Variants in FAM110B observed in about 807,000 individuals in gnomAD.
The protein encoded by FAM110B is family with sequence similarity 110 member B.
FAM110B carries 6 observed loss-of-function variants against 20.4 expected under a neutral mutation model. That is an observed-to-expected ratio of 0.29 (90% confidence interval 0.16 to 0.58). FAM110B has a LOEUF of 0.58. Among genes scored for constraint, FAM110B ranks in the 20% least tolerant of loss-of-function variants. The pLI, the probability that FAM110B is intolerant of heterozygous loss-of-function variation, is 0.90. For missense variants in FAM110B, 434 were observed against 498.2 expected, an observed-to-expected ratio of 0.87 and a Z score of 1.23; for synonymous variants, 226 against 214.1, an observed-to-expected ratio of 1.06 and a Z score of -0.49.
intron 1 of FAM110B, among the ~76,000 whole-genome samples, chr8:58,015,078 G>A (rs1051336016): frequency 1.4e-4 from 21 of 152,162 alleles, no homozygotes; most frequent in Non-Finnish European, 2.1e-4. Flanking sequence ...CGTTAAAGCC[G>A]GGTGCGATGG....
At chr8:58,009,778 T>C (rs1585807828) in intron 1 of FAM110B, among the ~76,000 whole-genome samples, 1 of 152,360 alleles carries the variant, frequency 6.6e-6, no homozygotes, top group South Asian at 2.1e-4. Flanking sequence ...CAGATGGTTG[T>C]GTACTTGTAG....
At chr8:58,078,043 CT>C (rs1230539649) in intron 3 of FAM110B, among the ~76,000 whole-genome samples, 1 of 151,956 alleles carries the variant, frequency 6.6e-6, no homozygotes, top group East Asian at 1.9e-4. Flanking sequence ...ATGTTTTTAA[CT>C]TTCAGGTTAT....
chr8:58,104,092 A>G (rs1198876299), intron 3 of FAM110B, among the ~76,000 whole-genome samples: 5 of 152,172 alleles, frequency 3.3e-5, no homozygotes, highest in Non-Finnish European at 7.4e-5. Context: ...CCCATATTTC[A>G]TGCTTTGATT....
intron 2 of FAM110B, among the ~76,000 whole-genome samples, chr8:58,068,648 C>A (rs189030682): frequency 6.6e-6 from 1 of 151,098 alleles, no homozygotes; most frequent in African/African-American, 2.4e-5. Context: ...TATCTTTGAT[C>A]TTTGGAATGG....
Position 58,075,632 on chromosome 8 carries a change from A to G in FAM110B, c.-325+9A>G, listed in dbSNP as rs929425915. ...ACTCATTCCCCTCTCAGGTAAGCAT[A>G]TTGCTTTGCTTTGATCCATTCTGAG... On this transcript the variant is annotated intron_variant, in intron 3 of 3. Transcript: ENST00000519262. The G allele has an allele frequency of 1.3e-5, 2 of 152,166 alleles. No individual in the cohort carries two copies. Among genetic ancestry groups the G allele is most frequent in the East Asian group, 1.9e-4 (1 of 5,172 alleles). 9.4% of individuals were successfully genotyped at this position (152,166 alleles called of 1,614,324 possible). A position where few individuals can be genotyped will look rare whatever the true frequency, so the allele number is the denominator to read the frequency against.
At chr8:58,045,283 ACT>A (rs1434503651) in intron 2 of FAM110B, among the ~76,000 whole-genome samples, 1 of 151,940 alleles carries the variant, frequency 6.6e-6, no homozygotes, top group East Asian at 1.9e-4. Context: ...ATATAACCAC[ACT>A]CTCTCTCGCT....
chr8:58,126,798 G>C (rs1205170995), intron 3 of FAM110B, among the ~76,000 whole-genome samples: 1 of 151,974 alleles, frequency 6.6e-6, no homozygotes, highest in Non-Finnish European at 1.5e-5. Context: ...TTCTAGATAT[G>C]AGCCCTTTGT....
intron 3 of FAM110B, among the ~76,000 whole-genome samples, chr8:58,110,125 G>C (rs1302940564): frequency 6.6e-6 from 1 of 152,146 alleles, no homozygotes; most frequent in East Asian, 1.9e-4. Context: ...TGGGGATTAA[G>C]CATGCTATTG....
intron 2 of FAM110B, among the ~76,000 whole-genome samples, chr8:58,049,478 A>T (rs1315170149): frequency 1.3e-5 from 2 of 151,974 alleles, no homozygotes; most frequent in Non-Finnish European, 2.9e-5. Context: ...ATTAGGTCAG[A>T]TGTTTCTCAT....
chr8:58,028,304 C>A (rs111488315), intron 1 of FAM110B, among the ~76,000 whole-genome samples: 22 of 152,208 alleles, frequency 1.4e-4, no homozygotes, highest in African/African-American at 5.3e-4. Context: ...GGGGTTTCAC[C>A]GTGTCAGCCA....
chr8:58,069,102 T>C (rs1269392389), intron 2 of FAM110B, among the ~76,000 whole-genome samples: 2 of 152,232 alleles, frequency 1.3e-5, no homozygotes, highest in African/African-American at 4.8e-5. Flanking sequence ...ATAATGGTTC[T>C]GTGTGATTAA....
intron 1 of FAM110B, among the ~76,000 whole-genome samples, chr8:58,012,274 T>G (rs777113701): frequency 2.6e-5 from 4 of 152,168 alleles, no homozygotes; most frequent in Non-Finnish European, 5.9e-5. Flanking sequence ...TTTTTGTTGT[T>G]GAAATATCTC....
In FAM110B at chr8:57,995,903, A is replaced by G. The variant is rs80167674; in HGVS notation, c.-512+1097A>G. On this transcript the variant is annotated intron_variant, in intron 1 of 3. Coordinates refer to ENST00000519262, the MANE Select transcript of FAM110B (RefSeq NM_001377989.1). ...TCTGGCGTAACTGGTCTATTTCTCA[A>G]AAGGGAATATGATAGTAGAATAAGC... 6.8e-4 allele frequency among the ~76,000 whole-genome samples: 103 copies of G among 152,352 alleles called. 1 individual carries two copies. The East Asian group carries it at 0.018, about 26-fold the overall frequency.
chr8:58,088,373 A>G (rs1477197350), intron 3 of FAM110B, among the ~76,000 whole-genome samples: 5 of 152,210 alleles, frequency 3.3e-5, no homozygotes, highest in Non-Finnish European at 2.9e-5. Flanking sequence ...GCTTCAAGTC[A>G]TATATCTAGT....
intron 1 of FAM110B, among the ~76,000 whole-genome samples, chr8:58,004,815 C>A (rs1804369023): frequency 6.6e-6 from 1 of 152,224 alleles, no homozygotes; most frequent in South Asian, 2.1e-4. Context: ...TCTGTCATCT[C>A]TCTCAGCCTT....
intron 3 of FAM110B, among the ~76,000 whole-genome samples, chr8:58,104,248 A>G (rs1004938559): frequency 7.2e-5 from 11 of 152,262 alleles, no homozygotes; most frequent in African/African-American, 2.4e-4. Flanking sequence ...GAATTGCAAC[A>G]AAGCATTTTC....
intron 3 of FAM110B, chr8:58,106,306 T>A (rs1806916632): frequency 6.6e-6 from 1 of 152,194 alleles, no homozygotes; most frequent in Non-Finnish European, 1.5e-5. Flanking sequence ...CTGCTGGTGA[T>A]GGTTCTGTGC....
intron 3 of FAM110B, among the ~76,000 whole-genome samples, chr8:58,142,556 C>G (rs746753574): frequency 6.6e-6 from 1 of 152,022 alleles, no homozygotes; most frequent in Non-Finnish European, 1.5e-5. Context: ...CCACCCCGAC[C>G]CCTGCCACCA....
intron 2 of FAM110B, among the ~76,000 whole-genome samples, chr8:58,053,390 T>C (rs1805491884): frequency 6.6e-6 from 1 of 152,168 alleles, no homozygotes; most frequent in Non-Finnish European, 1.5e-5. Flanking sequence ...GACTCCTGAG[T>C]TTCTGGCCAA....
Sources: allele counts gnomAD v4.1 joint callset (sites outside exome capture counted in the v4.1 genomes callset), GRCh38; gene constraint gnomAD v4.1.1; transcripts MANE v1.5; gene names NCBI Gene and HGNC (gene_info 2026-07-23, HGNC 2026-07-21).